The following SEMA6D variants were observed in gnomAD, a reference collection of about 807,000 sequenced individuals.
SEMA6D encodes the protein semaphorin-6D.
In SEMA6D, 35 loss-of-function variants were observed where a neutral mutation model predicts 106.6. The observed-to-expected ratio is 0.33, with a 90% CI of 0.25 to 0.44. The LOEUF (loss-of-function observed/expected upper bound fraction) is 0.44, where lower values mean the gene tolerates loss of function less well. SEMA6D is among the 20% of genes least tolerant of loss of function. The probability of loss-of-function intolerance (pLI) is 1.00; values close to 1 mark genes in which losing one functional copy is unlikely to be tolerated. For missense variants in SEMA6D, 1,185 were observed against 1,345.9 expected (o/e 0.88, Z 1.87); for synonymous variants, 499 against 487.7 (o/e 1.02, Z -0.31).
At chr15:47,301,530 G>C (rs1460611518) in intron 1 of SEMA6D, among the ~76,000 whole-genome samples, 1 of 152,230 alleles carries the variant, frequency 6.6e-6, no homozygotes, top group East Asian at 1.9e-4. Context: ...AGGTGGCCCT[G>C]AAGGTCCCTA....
intron 1 of SEMA6D, chr15:47,241,221 C>A (rs960858231): frequency 1.6e-4 from 25 of 152,034 alleles, no homozygotes; most frequent in African/African-American, 5.8e-4. Flanking sequence ...TTCAATATTC[C>A]ATTCGCATTT....
chr15:47,287,636 A>T (rs182303922), intron 1 of SEMA6D, among the ~76,000 whole-genome samples: 7 of 152,284 alleles, frequency 4.6e-5, no homozygotes, highest in Admixed American at 2.0e-4. Flanking sequence ...CCACATCCAC[A>T]AAGTAACTTC....
chr15:47,424,695 T>G (rs2140452170), intron 2 of SEMA6D, among the ~76,000 whole-genome samples: 1 of 152,182 alleles, frequency 6.6e-6, no homozygotes, highest in South Asian at 2.1e-4. Flanking sequence ...TAGAATAAGT[T>G]TGAATAAGAT....
intron 4 of SEMA6D, among the ~76,000 whole-genome samples, chr15:47,637,814 C>A (rs999337148): frequency 7.9e-5 from 12 of 152,196 alleles, no homozygotes; most frequent in African/African-American, 2.9e-4. Flanking sequence ...TGCTTCCATG[C>A]CACCCTTGGC....
chr15:47,722,714 A>T (rs1182335280), intron 1 of SEMA6D, among the ~76,000 whole-genome samples: 1 of 152,202 alleles, frequency 6.6e-6, no homozygotes. Context: ...TACTAGTGAA[A>T]TCAGCCACAA....
At chr15:47,554,082 A>G (rs1186746743) in intron 3 of SEMA6D, among the ~76,000 whole-genome samples, 1 of 152,190 alleles carries the variant, frequency 6.6e-6, no homozygotes, top group African/African-American at 2.4e-5. Context: ...ACCCTCTCTG[A>G]GCACTCCATG....
At chr15:47,343,726 T>C (rs1460279075) in intron 1 of SEMA6D, among the ~76,000 whole-genome samples, 1 of 152,190 alleles carries the variant, frequency 6.6e-6, no homozygotes, top group Non-Finnish European at 1.5e-5. Flanking sequence ...TACGTGTGTG[T>C]GTGTCTTTAT....
intron 3 of SEMA6D, among the ~76,000 whole-genome samples, chr15:47,513,460 C>T (rs2044293444): frequency 6.6e-6 from 1 of 152,164 alleles, no homozygotes; most frequent in Admixed American, 6.5e-5. Flanking sequence ...GAGCCAACAG[C>T]TTTGCCCTTC....
intron 3 of SEMA6D, among the ~76,000 whole-genome samples, chr15:47,516,341 G>A (rs2044386745): frequency 6.6e-6 from 1 of 152,092 alleles, no homozygotes. Context: ...AGAATCTTTT[G>A]GAATGAAATG....
chr15:47,213,540 C>T (rs941928822), intron 1 of SEMA6D, among the ~76,000 whole-genome samples: 3 of 152,182 alleles, frequency 2.0e-5, no homozygotes, highest in South Asian at 2.1e-4. Flanking sequence ...TTGGTTCCCT[C>T]TCCTCCACTA....
chr15:47,629,624 T>C (rs2077260550), intron 4 of SEMA6D, among the ~76,000 whole-genome samples: 1 of 151,922 alleles, frequency 6.6e-6, no homozygotes, highest in Non-Finnish European at 1.5e-5. Context: ...ATATATAATA[T>C]TGTTGCTAAG....
chr15:47,730,451 A>G (rs750544049), intron 1 of SEMA6D: 134 of 1,388,114 alleles, frequency 9.7e-5, no homozygotes, highest in Non-Finnish European at 1.3e-4. Context: ...AACCAGCTCG[A>G]TGGGATCCAC....
intron 1 of SEMA6D, chr15:47,718,507 C>G (rs1415772789): frequency 6.6e-6 from 1 of 150,400 alleles, no homozygotes; most frequent in Non-Finnish European, 1.5e-5. Flanking sequence ...TTCCCACCGT[C>G]CCTCTCCCCT....
intron 3 of SEMA6D, among the ~76,000 whole-genome samples, chr15:47,547,036 C>T (rs561972424): frequency 5.7e-4 from 87 of 152,208 alleles, no homozygotes; most frequent in African/African-American, 2.1e-3. Context: ...CAAAAATACA[C>T]ACAAACACAC....
rs577646570 is a variant in SEMA6D at position 47,445,490 on chromosome 15, A to G, written c.-158-24984A>G. On this transcript the variant is annotated intron_variant, in intron 2 of 19. Transcript: ENST00000558014. ...ATACAGCAACTCTTCATTTTAACCTATCCCTGCTTGGGGCTTAACCATACC... is the reference window on the plus strand; with the variant it reads ...ATACAGCAACTCTTCATTTTAACCTGTCCCTGCTTGGGGCTTAACCATACC... Among the ~76,000 whole-genome samples the G allele has an allele frequency of 7.9e-5, 12 of 152,072 alleles. No individual in the cohort carries two copies. In the East Asian group the frequency reaches 1.8e-3, roughly 22 times the overall value.
chr15:47,546,833 C>T (rs1159813836), intron 3 of SEMA6D, among the ~76,000 whole-genome samples: 2 of 151,936 alleles, frequency 1.3e-5, no homozygotes, highest in Non-Finnish European at 2.9e-5. Flanking sequence ...GGCATCTGTG[C>T]CCCTAAGACA....
intron 1 of SEMA6D, chr15:47,395,707 A>G (rs2040191815): frequency 6.6e-6 from 1 of 152,212 alleles, no homozygotes; most frequent in Admixed American, 6.5e-5. Context: ...CAAAGACCAA[A>G]TGCTGATATT....
chr15:47,276,936 C>T (rs866950863), intron 1 of SEMA6D, among the ~76,000 whole-genome samples: 53 of 152,024 alleles, frequency 3.5e-4, no homozygotes, highest in African/African-American at 1.2e-3. Flanking sequence ...GTCAAGTTAC[C>T]GACATCAACA....
intron 4 of SEMA6D, among the ~76,000 whole-genome samples, chr15:47,678,160 G>A (rs894877895): frequency 1.3e-5 from 2 of 151,980 alleles, no homozygotes; most frequent in Non-Finnish European, 2.9e-5. Flanking sequence ...AGAGTTGAAG[G>A]GGACCTCAAG....
Sources: gnomAD v4.1 joint callset for allele counts (sites outside exome capture counted in the v4.1 genomes callset) on GRCh38, gnomAD v4.1.1 for gene constraint, MANE v1.5 for transcripts, NCBI Gene and HGNC (gene_info 2026-07-23, HGNC 2026-07-21) for gene names.